Variants in GPD2 observed in about 807,000 individuals in gnomAD.
GPD2 encodes glycerol-3-phosphate dehydrogenase, mitochondrial.
Under a neutral mutation model 82.4 loss-of-function variants are expected in GPD2, and 54 were observed. The ratio of observed to expected loss-of-function variants is 0.66; its 90% CI spans 0.53 to 0.82. The LOEUF (loss-of-function observed/expected upper bound fraction) is 0.82, where lower values mean the gene tolerates loss of function less well. Ranked by LOEUF, GPD2 falls within the 40% of genes least tolerant of loss-of-function variation. GPD2 has a pLI of 0.00. For missense variants in GPD2, 748 were observed against 896.2 expected, an observed-to-expected ratio of 0.83 and a Z score of 2.11; for synonymous variants, 288 against 306.1, an observed-to-expected ratio of 0.94 and a Z score of 0.62.
intron 2 of GPD2, among the ~76,000 whole-genome samples, chr2:156,478,715 C>T (rs1232001949): frequency 6.6e-6 from 1 of 152,156 alleles, no homozygotes; most frequent in Non-Finnish European, 1.5e-5. Flanking sequence ...ATTGGCTACA[C>T]TTTTGTTTGT....
chr2:156,458,979 G>A (rs1424125922), intron 1 of GPD2, among the ~76,000 whole-genome samples: 6 of 147,098 alleles, frequency 4.1e-5, no homozygotes, highest in African/African-American at 1.3e-4. Flanking sequence ...GTGTATGTGT[G>A]TGTATGTACA....
intron 2 of GPD2, among the ~76,000 whole-genome samples, chr2:156,489,505 T>C (rs1240907322): frequency 1.3e-5 from 2 of 152,160 alleles, no homozygotes; most frequent in African/African-American, 4.8e-5. Context: ...TCTTGTAGCC[T>C]CTTTTCTATG....
the GPD2 span, among the ~76,000 whole-genome samples, chr2:156,422,932 TG>T: frequency 6.6e-6 from 1 of 152,226 alleles, no homozygotes; most frequent in Admixed American, 6.5e-5. Context: ...GTGCTTAGAA[TG>T]GAGAGCTCAA....
Position 156,571,172 on chromosome 2 carries a change from G to A in GPD2, c.1647G>A (p.Val549=), listed in dbSNP as rs1295422223. ...TTAAGGAGTATGCCTGCACTGCTGT[G>A]GATATGATTTCACGTCGTACTCGCC... ...YGIKEYACTA[V]DMISRRTRLA... The change falls in exon 13 of 17, where the codon GTG becomes GTA. Residue 549 remains valine (V), a synonymous_variant. Transcript: ENST00000438166. 6.2e-7 allele frequency: 1 copy of A among 1,611,076 alleles called. No individual in the cohort carries two copies. The highest frequency in any genetic ancestry group is 8.5e-7 in the Non-Finnish European group (1 of 1,177,422).
chr2:156,540,497 A>G (rs1686265713), intron 6 of GPD2, among the ~76,000 whole-genome samples: 2 of 152,220 alleles, frequency 1.3e-5, no homozygotes, highest in Admixed American at 1.3e-4. Flanking sequence ...ATACCAAAAC[A>G]TGAGACAGTT....
At chr2:156,555,149 GA>G (rs1232576312) in intron 8 of GPD2, among the ~76,000 whole-genome samples, 1 of 152,188 alleles carries the variant, frequency 6.6e-6, no homozygotes, top group East Asian at 1.9e-4. Flanking sequence ...ACTGATGAAA[GA>G]TATTTCCAAG....
At chr2:156,581,606 A>G (rs577420053) in intron 16 of GPD2, among the ~76,000 whole-genome samples, 4 of 152,226 alleles carry the variant, frequency 2.6e-5, no homozygotes, top group African/African-American at 9.6e-5. Flanking sequence ...CTGCAGACTA[A>G]GAGCCCATGT....
intron 10 of GPD2, 144 bp from the exon 11 acceptor site, chr2:156,569,219 T>G: frequency 1.4e-6 from 1 of 700,672 alleles, no homozygotes; most frequent in Non-Finnish European, 2.5e-6. Flanking sequence ...ACAAGCATTT[T>G]TTTTATTCTG....
intron 6 of GPD2, among the ~76,000 whole-genome samples, chr2:156,527,981 T>A (rs1437799611): frequency 1.3e-5 from 2 of 152,154 alleles, no homozygotes; most frequent in Non-Finnish European, 2.9e-5. Flanking sequence ...GTGCAAAGCA[T>A]TGTACTTCAA....
chr2:156,502,056 T>C (rs2105253560), intron 3 of GPD2, among the ~76,000 whole-genome samples: 1 of 152,292 alleles, frequency 6.6e-6, no homozygotes, highest in South Asian at 2.1e-4. Context: ...CATTAGTTAC[T>C]TAATAAATGA....
chr2:156,524,559 G>A (rs1685535986), intron 6 of GPD2, among the ~76,000 whole-genome samples: 1 of 152,092 alleles, frequency 6.6e-6, no homozygotes, highest in Non-Finnish European at 1.5e-5. Flanking sequence ...TTTTCACAGG[G>A]TACAGACTTC....
chr2:156,416,378 C>T, the GPD2 span, among the ~76,000 whole-genome samples: 2 of 151,010 alleles, frequency 1.3e-5, no homozygotes, highest in African/African-American at 4.9e-5. Context: ...GACCACATCT[C>T]ACCTTGTCAC....
chr2:156,541,484 G>C (rs1418009475), intron 6 of GPD2, among the ~76,000 whole-genome samples: 1 of 152,158 alleles, frequency 6.6e-6, no homozygotes, highest in African/African-American at 2.4e-5. Context: ...TTAGTGCCTG[G>C]TGCATAGTGG....
At chr2:156,402,554 G>A in the GPD2 span, among the ~76,000 whole-genome samples, 1 of 152,208 alleles carries the variant, frequency 6.6e-6, no homozygotes, top group African/African-American at 2.4e-5. Context: ...ATTCTGAAGT[G>A]ATGTACCTTT....
At chr2:156,412,901 AGCCTGG>A in the GPD2 span, among the ~76,000 whole-genome samples, 4 of 152,206 alleles carry the variant, frequency 2.6e-5, no homozygotes. Flanking sequence ...GTTTGAGACC[AGCCTGG>A]GCAACATAGT....
At chr2:156,418,904 C>G in the GPD2 span, among the ~76,000 whole-genome samples, 3 of 152,110 alleles carry the variant, frequency 2.0e-5, no homozygotes, top group East Asian at 3.9e-4. Flanking sequence ...AACAATTATT[C>G]CTTTAGATGG....
intron 8 of GPD2, 118 bp from the exon 9 acceptor site, chr2:156,557,271 A>T (rs1245168806): frequency 2.7e-6 from 2 of 737,376 alleles, no homozygotes; most frequent in African/African-American, 3.5e-5. Context: ...TGCAAGTAAT[A>T]GTTCATATCT....
rs1688178440 is a variant in GPD2 at position 156,585,393 on chromosome 2, G to C, written c.*2475G>C. ...GTGATTTATTTCAAGAGCCTTTGAG[G>C]GGATTCAGGTGAAGGAACCCCCATC... On this transcript the variant is annotated 3_prime_UTR_variant, in exon 17 of 17. Transcript: ENST00000438166. 6.6e-6 allele frequency: 1 copy of C among 152,278 alleles called. No homozygotes were observed. The highest frequency in any genetic ancestry group is 2.4e-5 in the African/African-American group (1 of 41,340). 9.4% of individuals were successfully genotyped at this position (152,278 alleles called of 1,614,324 possible).
At chr2:156,569,721 T>C (rs1687541382) in intron 11 of GPD2, among the ~76,000 whole-genome samples, 183 bp downstream of exon 11, 1 of 152,156 alleles carries the variant, frequency 6.6e-6, no homozygotes, top group East Asian at 1.9e-4. Context: ...ACAAGCAATG[T>C]ACACTTTATG....
Sources: gnomAD v4.1 joint callset for allele counts (sites outside exome capture counted in the v4.1 genomes callset) on GRCh38, gnomAD v4.1.1 for gene constraint, MANE v1.5 for transcripts, NCBI Gene and HGNC (gene_info 2026-07-23, HGNC 2026-07-21) for gene names.